Variants in ABCC12 observed in about 807,000 individuals in gnomAD.
The protein encoded by ABCC12 is ATP binding cassette subfamily C member 12, also known as ATP-binding cassette sub-family C member 12.
Under a neutral mutation model 151.1 loss-of-function variants are expected in ABCC12, and 142 were observed. That is an observed-to-expected ratio of 0.94 (90% CI 0.82 to 1.08). The LOEUF (loss-of-function observed/expected upper bound fraction) is 1.08. Ranked by LOEUF, ABCC12 falls within the 50% of genes least tolerant of loss-of-function variation. ABCC12 has a pLI of 0.00. For synonymous variants in ABCC12, 645 were observed against 646.4 expected (o/e 1.00, Z 0.03); for missense variants, 1,638 against 1,691.1 (o/e 0.97, Z 0.55).
intron 2 of ABCC12, among the ~76,000 whole-genome samples, chr16:48,149,887 C>T (rs939048903): frequency 4.6e-5 from 7 of 152,150 alleles, no homozygotes; most frequent in African/African-American, 1.2e-4. Flanking sequence ...ACAATAACAG[C>T]CATTTCTCAT....
At chr16:48,107,637 CCAAA>C (rs1032615488) in intron 19 of ABCC12, among the ~76,000 whole-genome samples, 93 of 152,298 alleles carry the variant, frequency 6.1e-4, no homozygotes, top group African/African-American at 2.2e-3. Flanking sequence ...GAAAATGGCT[CCAAA>C]CAGTGAACAT....
intron 3 of ABCC12, 77 bp from the exon 4 acceptor site, chr16:48,144,142 A>T (rs1567458590): frequency 1.3e-6 from 2 of 1,508,646 alleles, no homozygotes; most frequent in Non-Finnish European, 1.8e-6. Flanking sequence ...TGAACTTGTA[A>T]CTACAGCAAC....
chr16:48,101,217 C>T (rs752658838), intron 22 of ABCC12, among the ~76,000 whole-genome samples: 2 of 152,208 alleles, frequency 1.3e-5, no homozygotes, highest in South Asian at 2.1e-4. Flanking sequence ...CATGAGTCAG[C>T]GGCACCTTCG....
chr16:48,145,247 A>G (rs1964959363), intron 3 of ABCC12, among the ~76,000 whole-genome samples: 1 of 152,180 alleles, frequency 6.6e-6, no homozygotes, highest in South Asian at 2.1e-4. Context: ...GTGTCCGCTT[A>G]TTATAGAGTT....
intron 15 of ABCC12, among the ~76,000 whole-genome samples, chr16:48,112,216 C>CA (rs954801070): frequency 9.2e-5 from 14 of 151,762 alleles, no homozygotes; most frequent in South Asian, 2.1e-4. Flanking sequence ...CTCATGAGTC[C>CA]AAAAAAAAGC....
intron 5 of ABCC12, 116 bp downstream of exon 5, chr16:48,141,090 G>T: frequency 6.9e-7 from 1 of 1,453,468 alleles, no homozygotes; most frequent in South Asian, 1.4e-5. Flanking sequence ...CGCCCCCAAG[G>T]AGCGCAAAGA....
chr16:48,093,739 A>G (rs746235651), intron 24 of ABCC12, among the ~76,000 whole-genome samples: 2 of 152,224 alleles, frequency 1.3e-5, no homozygotes, highest in Non-Finnish European at 2.9e-5. Context: ...ATCTTTTGCT[A>G]AATGCAAGAG....
Position 48,144,035 on chromosome 16 carries a change from C to T in ABCC12, c.150G>A (p.Gly50=), listed in dbSNP as rs765721158. Residue 50 remains glycine (G), a synonymous_variant, in exon 4 of 31, where the codon GGG becomes GGA. Transcript: ENST00000311303. ...RLAPNPVDDA[G]LLSFATFSWL... is the part of the protein sequence containing the mutation. ...AGGAAAATGTGGCGAAGGAGAGTAG[C>T]CCGGCATCATCCACCGGGTTGGGTG... The T allele has an allele frequency of 4.3e-6, 7 of 1,613,976 alleles. No individual in the cohort carries two copies. The East Asian group carries it at 1.6e-4, about 36-fold the overall frequency.
At chr16:48,112,651 G>C (rs1963737693) in intron 15 of ABCC12, among the ~76,000 whole-genome samples, 1 of 152,094 alleles carries the variant, frequency 6.6e-6, no homozygotes, top group African/African-American at 2.4e-5. Context: ...AAATAAAACT[G>C]ACAGTCACAG....
intron 13 of ABCC12, 27 bp from the exon 14 acceptor site, chr16:48,117,360 TG>T: frequency 6.2e-7 from 1 of 1,611,194 alleles, no homozygotes; most frequent in Non-Finnish European, 8.5e-7. Context: ...CAGAAGTAGC[TG>T]GGTGAGAAAG....
intron 28 of ABCC12, 194 bp downstream of exon 28, chr16:48,086,547 A>C: frequency 1.7e-6 from 1 of 571,834 alleles, no homozygotes; most frequent in South Asian, 2.1e-5. Flanking sequence ...TCTTGACTGG[A>C]TCATTGTAGA....
At chr16:48,131,003 G>GT (rs1490710695) in intron 9 of ABCC12, 108 bp from the exon 10 acceptor site, 1 of 735,770 alleles carries the variant, frequency 1.4e-6, no homozygotes, top group Non-Finnish European at 2.3e-6. Context: ...TGGTGGCATC[G>GT]TTGGAATGTG....
At chr16:48,128,362 T>G in intron 11 of ABCC12, 97 bp downstream of exon 11, 1 of 1,518,032 alleles carries the variant, frequency 6.6e-7, no homozygotes, top group South Asian at 1.3e-5. Context: ...CATCACCACC[T>G]TCAGCTCTAA....
intron 12 of ABCC12, among the ~76,000 whole-genome samples, chr16:48,123,201 T>C (rs967021043): frequency 6.6e-6 from 1 of 152,222 alleles, no homozygotes; most frequent in African/African-American, 2.4e-5. Context: ...TTCCCATCAC[T>C]GGAGCTATCC....
intron 13 of ABCC12, among the ~76,000 whole-genome samples, chr16:48,119,052 A>G (rs910954179): frequency 6.6e-6 from 1 of 151,388 alleles, no homozygotes; most frequent in Non-Finnish European, 1.5e-5. Context: ...TCCCCTCAAC[A>G]CCTCCCACCT....
intron 13 of ABCC12, among the ~76,000 whole-genome samples, chr16:48,120,578 A>G (rs1250504905): frequency 1.3e-5 from 2 of 150,306 alleles, no homozygotes; most frequent in African/African-American, 4.9e-5. Context: ...TTTTTTGAGA[A>G]GGAGTCTCGC....
At chr16:48,091,014 T>G in intron 25 of ABCC12, 106 bp downstream of exon 25, 1 of 1,143,400 alleles carries the variant, frequency 8.7e-7, no homozygotes, top group Non-Finnish European at 1.3e-6. Context: ...CCCGGCCCGA[T>G]TTCCGTTTTT....
chr16:48,143,951 G>A lies in ABCC12; in HGVS notation c.234C>T (p.Pro78=). ...YRQRLTVDTL[P]PLSTYDSSDT... The stretch of plus-strand genomic sequence containing the variant: ...CAGATGAGTCATATGTCGACAATGG[G>A]GGCAGGGTGTCTACGGTCAGCCTTT... The change falls in exon 4 of 31, where the codon CCC becomes CCT. Residue 78 remains proline (P), a synonymous_variant. Transcript: ENST00000311303. The A allele has an allele frequency of 6.2e-7, 1 of 1,614,178 alleles. No homozygotes were observed. Among genetic ancestry groups the A allele is most frequent in the Non-Finnish European group, 8.5e-7 (1 of 1,180,018 alleles).
At position 48,139,202 on chromosome 16, in the gene ABCC12, G is replaced by A. The variant is rs1407732960; in HGVS notation, c.792C>T (p.Leu264=). The A allele has an allele frequency of 6.2e-7, 1 of 1,613,488 alleles. No individual in the cohort carries two copies. The highest frequency in any genetic ancestry group is 1.7e-5 in the Admixed American group (1 of 59,776). Residue 264 remains leucine (L), a synonymous_variant, in exon 7 of 31, where the codon CTC becomes CTT. Coordinates refer to ENST00000311303, the MANE Select transcript of ABCC12 (RefSeq NM_001393797.1). ...ATATGACATACACTGATATCCCGAT[G>A]AGAGCTGTGGGCCCCAGAATGAAAA... ...YAFFILGPTA[L]IGISVYVIFI...
Sources: allele counts gnomAD v4.1 joint callset (sites outside exome capture counted in the v4.1 genomes callset), GRCh38; gene constraint gnomAD v4.1.1; transcripts MANE v1.5; gene names NCBI Gene and HGNC (gene_info 2026-07-23, HGNC 2026-07-21).